The following TENM3 variants were observed in gnomAD, a reference collection of about 807,000 sequenced individuals.
TENM3 encodes the protein teneurin-3.
TENM3 carries 63 observed loss-of-function variants against 255.1 expected under a neutral mutation model. That is an observed-to-expected ratio of 0.25 (90% CI 0.20 to 0.30). The LOEUF (loss-of-function observed/expected upper bound fraction) is 0.30, where lower values mean the gene tolerates loss of function less well. Ranked by LOEUF, TENM3 falls within the 10% of genes least tolerant of loss-of-function variation. The probability of loss-of-function intolerance (pLI) is 1.00; values close to 1 mark genes in which losing one functional copy is unlikely to be tolerated. For missense variants in TENM3, 2,929 were observed against 3,461.1 expected, an observed-to-expected ratio of 0.85 and a Z score of 3.86; for synonymous variants, 1,306 against 1,322.3, an observed-to-expected ratio of 0.99 and a Z score of 0.27.
At chr4:181,694,210 C>A in the TENM3 span, among the ~76,000 whole-genome samples, 2 of 152,152 alleles carry the variant, frequency 1.3e-5, no homozygotes, top group Non-Finnish European at 1.5e-5. Context: ...CTGACCTATG[C>A]ACACAAAGAA....
At chr4:181,999,927 G>C in the TENM3 span, among the ~76,000 whole-genome samples, 2 of 152,064 alleles carry the variant, frequency 1.3e-5, no homozygotes, top group Admixed American at 6.6e-5. Context: ...AGTATTTAAT[G>C]AGTTTAACCT....
chr4:182,660,286 A>G (rs575009011), intron 6 of TENM3, among the ~76,000 whole-genome samples: 6 of 152,328 alleles, frequency 3.9e-5, no homozygotes, highest in Non-Finnish European at 8.8e-5. Context: ...TGAAAATAAT[A>G]CAACTAAATG....
intron 5 of TENM3, among the ~76,000 whole-genome samples, chr4:182,646,346 T>C (rs1752737295): frequency 6.6e-6 from 1 of 152,114 alleles, no homozygotes; most frequent in South Asian, 2.1e-4. Flanking sequence ...AGGAGAATTA[T>C]GAAAGGAAAA....
At chr4:181,504,827 C>T in the TENM3 span, among the ~76,000 whole-genome samples, 1 of 152,136 alleles carries the variant, frequency 6.6e-6, no homozygotes, top group Non-Finnish European at 1.5e-5. Context: ...AGACAATCCC[C>T]GAAGTATACT....
chr4:182,121,060 A>T, the TENM3 span, among the ~76,000 whole-genome samples: 1 of 151,956 alleles, frequency 6.6e-6, no homozygotes, highest in African/African-American at 2.4e-5. Flanking sequence ...GTGCAGTGGC[A>T]TGATCTTGGC....
At chr4:182,012,945 C>T in the TENM3 span, 11 of 151,460 alleles carry the variant, frequency 7.3e-5, no homozygotes, top group Non-Finnish European at 1.0e-4. Context: ...TTTTTAGAGC[C>T]CGTTTCACCT....
chr4:182,075,124 CTG>C, the TENM3 span, among the ~76,000 whole-genome samples: 70,215 of 151,114 alleles, frequency 0.46, 16,300 homozygotes, highest in Middle Eastern at 0.51. Flanking sequence ...CTGCCAGAGA[CTG>C]TGATTTTTCT....
the TENM3 span, among the ~76,000 whole-genome samples, chr4:181,852,468 G>A: frequency 6.6e-6 from 1 of 152,028 alleles, no homozygotes; most frequent in Non-Finnish European, 1.5e-5. Context: ...TTTTCATGGG[G>A]TTCACTTTTC....
chr4:182,486,116 G>C (rs1443643974), intron 3 of TENM3, among the ~76,000 whole-genome samples: 1 of 151,942 alleles, frequency 6.6e-6, no homozygotes, highest in Non-Finnish European at 1.5e-5. Flanking sequence ...TCAGAGTGCA[G>C]GTGTGGAAGA....
chr4:181,532,716 G>C, the TENM3 span, among the ~76,000 whole-genome samples: 4 of 152,280 alleles, frequency 2.6e-5, no homozygotes, highest in Admixed American at 6.5e-5. Flanking sequence ...CCAAAGAGGA[G>C]AGGACATTTC....
the TENM3 span, among the ~76,000 whole-genome samples, chr4:181,550,418 G>A: frequency 0.01 from 1,572 of 152,276 alleles, 8 homozygotes; most frequent in East Asian, 0.032. Context: ...TGGAATTATT[G>A]CAAATTCTCT....
the TENM3 span, among the ~76,000 whole-genome samples, chr4:181,770,339 G>A: frequency 6.6e-6 from 1 of 152,092 alleles, no homozygotes; most frequent in African/African-American, 2.4e-5. Context: ...AATTTATTGT[G>A]GTAAGGCTAT....
intron 3 of TENM3, among the ~76,000 whole-genome samples, chr4:182,505,736 G>A (rs955806792): frequency 1.3e-5 from 2 of 152,046 alleles, no homozygotes; most frequent in East Asian, 1.9e-4. Flanking sequence ...GATTACAGGC[G>A]TGAGCCACCA....
intron 6 of TENM3, among the ~76,000 whole-genome samples, chr4:182,662,931 A>G (rs1754349980): frequency 6.6e-6 from 1 of 152,232 alleles, no homozygotes; most frequent in South Asian, 2.1e-4. Context: ...GAATTTAAAG[A>G]CAAAGCCCCT....
intron 4 of TENM3, 71 bp from the exon 5 acceptor site, chr4:182,628,580 T>C: frequency 1.0e-6 from 1 of 962,230 alleles, no homozygotes; most frequent in South Asian, 1.5e-5. Flanking sequence ...GAGAGCTAAA[T>C]GCATCGCTGT....
At chr4:181,720,782 A>C in the TENM3 span, among the ~76,000 whole-genome samples, 1 of 152,174 alleles carries the variant, frequency 6.6e-6, no homozygotes, top group East Asian at 1.9e-4. Flanking sequence ...TTTGGTGATC[A>C]CACTGGGCAA....
the TENM3 span, among the ~76,000 whole-genome samples, chr4:181,651,052 T>C: frequency 1.3e-5 from 2 of 152,188 alleles, no homozygotes; most frequent in Non-Finnish European, 2.9e-5. Flanking sequence ...TGTCTTCCTG[T>C]CCATAATGCC....
chr4:182,600,806 A>G (rs776108854), intron 3 of TENM3, 118 bp from the exon 4 acceptor site: 3 of 507,046 alleles, frequency 5.9e-6, no homozygotes, highest in Non-Finnish European at 1.0e-5. Context: ...ATGGATTTAT[A>G]TGCAGTTTTT....
At chr4:182,716,987 G>A (rs73869817) in intron 13 of TENM3, among the ~76,000 whole-genome samples, 3,043 of 152,278 alleles carry the variant, frequency 0.02, 105 homozygotes, top group African/African-American at 0.069. Context: ...AGCTACTATA[G>A]TTTGAGCAAT....
Sources: gnomAD v4.1 joint callset for allele counts (sites outside exome capture counted in the v4.1 genomes callset) on GRCh38, gnomAD v4.1.1 for gene constraint, MANE v1.5 for transcripts, NCBI Gene and HGNC (gene_info 2026-07-23, HGNC 2026-07-21) for gene names.